SUCLA2: variants seen among roughly 807,000 people sequenced by gnomAD.
The protein encoded by SUCLA2 is succinate-CoA ligase ADP-forming subunit beta.
In SUCLA2, 30 loss-of-function variants were observed where a neutral mutation model predicts 54.8. The observed-to-expected ratio is 0.55, with a 90% confidence interval of 0.41 to 0.74. SUCLA2 has a LOEUF of 0.74. Among genes scored for constraint, SUCLA2 ranks in the 30% least tolerant of loss-of-function variants. SUCLA2 has a pLI of 0.00. For missense variants in SUCLA2, 476 were observed against 562.9 expected (o/e 0.85, Z 1.56); for synonymous variants, 172 against 188.9 (o/e 0.91, Z 0.74).
chr13:47,945,251 A>T (rs1364437071), intron 10 of SUCLA2, among the ~76,000 whole-genome samples: 81 of 6,832 alleles, frequency 0.012, no homozygotes, highest in African/African-American at 0.026. Context: ...CTCTGTCTTA[A>T]AAAAAAAAAA....
chr13:47,952,145 CTCTG>C (rs1186821603), intron 8 of SUCLA2, among the ~76,000 whole-genome samples: 1 of 152,102 alleles, frequency 6.6e-6, no homozygotes, highest in Non-Finnish European at 1.5e-5. Context: ...TCAGTTCTTA[CTCTG>C]TCTGAATAGT....
intron 1 of SUCLA2, chr13:48,000,787 A>T (rs1950223906): frequency 1.1e-6 from 1 of 922,896 alleles, no homozygotes; most frequent in Non-Finnish European, 1.3e-6. Flanking sequence ...ACACAAAAGT[A>T]CTTTTGAAGG....
chr13:47,962,011 GTGTT>G (rs1209707120), intron 6 of SUCLA2, among the ~76,000 whole-genome samples: 2 of 152,210 alleles, frequency 1.3e-5, no homozygotes, highest in Non-Finnish European at 2.9e-5. Context: ...AAGAGCTGAT[GTGTT>G]TATAAAGATT....
At chr13:47,998,886 C>A (rs1016551205) in intron 1 of SUCLA2, among the ~76,000 whole-genome samples, 1 of 152,132 alleles carries the variant, frequency 6.6e-6, no homozygotes, top group Admixed American at 6.5e-5. Flanking sequence ...TCTTACTGTA[C>A]ATAAATTATA....
At chr13:48,000,901 G>C in intron 1 of SUCLA2, 1 of 1,338,364 alleles carries the variant, frequency 7.5e-7, no homozygotes, top group Non-Finnish European at 9.6e-7. Context: ...TCCACTCAGA[G>C]CCCACCTGCT....
intron 5 of SUCLA2, among the ~76,000 whole-genome samples, chr13:47,970,413 C>T (rs922168914): frequency 9.2e-5 from 14 of 152,138 alleles, no homozygotes; most frequent in Admixed American, 8.5e-4. Context: ...TTTTCTTCCT[C>T]ATCTAAATTT....
At chr13:47,980,265 A>G (rs985663906) in intron 4 of SUCLA2, among the ~76,000 whole-genome samples, 3 of 152,106 alleles carry the variant, frequency 2.0e-5, no homozygotes, top group Admixed American at 2.0e-4. Flanking sequence ...AAATACAAAA[A>G]TTAGCTGGGC....
intron 1 of SUCLA2, chr13:48,000,760 A>C: frequency 1.3e-6 from 1 of 773,546 alleles, no homozygotes; most frequent in Non-Finnish European, 1.6e-6. Flanking sequence ...ATTCCCACCT[A>C]TGACAGCTCC....
At chr13:47,988,264 AT>A (rs1950120194) in intron 4 of SUCLA2, 1 of 509,932 alleles carries the variant, frequency 2.0e-6, no homozygotes, top group Non-Finnish European at 3.4e-6. Context: ...TCCAGAGATG[AT>A]TTAAGCTGCT....
At chr13:47,972,406 C>A (rs376638798) in intron 5 of SUCLA2, among the ~76,000 whole-genome samples, 1 of 152,238 alleles carries the variant, frequency 6.6e-6, no homozygotes, top group East Asian at 1.9e-4. Flanking sequence ...CGCTGGCTCA[C>A]GCCTATAATC....
chr13:47,994,494 G>A (rs926804526), intron 2 of SUCLA2, among the ~76,000 whole-genome samples: 1 of 150,942 alleles, frequency 6.6e-6, no homozygotes, highest in African/African-American at 2.4e-5. Context: ...CTTGAACCTG[G>A]GAGACGGAGG....
At chr13:47,991,312 C>G (rs1485500985) in intron 2 of SUCLA2, among the ~76,000 whole-genome samples, 2 of 152,226 alleles carry the variant, frequency 1.3e-5, no homozygotes, top group Non-Finnish European at 2.9e-5. Context: ...TCCAACTGCA[C>G]TAATCCCCTC....
At chr13:47,954,075 C>T (rs1949797975) in intron 8 of SUCLA2, 65 bp downstream of exon 8, 3 of 1,222,612 alleles carry the variant, frequency 2.5e-6, no homozygotes, top group African/African-American at 1.6e-5. Flanking sequence ...TAAAAATATA[C>T]ATTTTTATAA....
chr13:47,968,554 A>G, intron 6 of SUCLA2, 41 bp downstream of exon 6: 1 of 1,608,628 alleles, frequency 6.2e-7, no homozygotes, highest in Non-Finnish European at 8.5e-7. Context: ...ATATTAGAGA[A>G]ATAAATGCAT....
At chr13:47,997,051 A>T (rs894846177) in intron 1 of SUCLA2, 28 bp from the exon 2 acceptor site, 2 of 1,613,230 alleles carry the variant, frequency 1.2e-6, no homozygotes, top group Non-Finnish European at 1.7e-6. Context: ...ATATTTATAT[A>T]TGACAGTGAT....
intron 6 of SUCLA2, chr13:47,956,978 C>T (rs748767314): frequency 6.6e-6 from 1 of 152,200 alleles, no homozygotes; most frequent in African/African-American, 2.4e-5. Flanking sequence ...ATTGATCTTT[C>T]TGGTCTTAAA....
chr13:47,953,061 A>C (rs966346558), intron 8 of SUCLA2, among the ~76,000 whole-genome samples: 4 of 152,154 alleles, frequency 2.6e-5, no homozygotes, highest in African/African-American at 9.7e-5. Flanking sequence ...AAGTAACTTA[A>C]GAGAAGGGCC....
At chr13:47,992,286 C>G (rs1950155678) in intron 2 of SUCLA2, among the ~76,000 whole-genome samples, 1 of 146,848 alleles carries the variant, frequency 6.8e-6, no homozygotes, top group African/African-American at 2.5e-5. Context: ...CTCTTCCCCG[C>G]AAAGTGTCAA....
At chr13:47,944,423 A>G (rs1205058131) in intron 10 of SUCLA2, among the ~76,000 whole-genome samples, 2 of 152,160 alleles carry the variant, frequency 1.3e-5, no homozygotes, top group Admixed American at 6.6e-5. Context: ...TTTACCTCTC[A>G]TGATCTATTT....
Sources: allele counts gnomAD v4.1 joint callset (sites outside exome capture counted in the v4.1 genomes callset), GRCh38; gene constraint gnomAD v4.1.1; transcripts MANE v1.5; gene names NCBI Gene and HGNC (gene_info 2026-07-23, HGNC 2026-07-21).